The following MCM3AP variants were observed in gnomAD, a reference collection of about 807,000 sequenced individuals.
MCM3AP encodes the protein minichromosome maintenance complex component 3 associated protein, also known as germinal-center associated nuclear protein.
MCM3AP carries 126 observed loss-of-function variants against 184.1 expected under a neutral mutation model. The ratio of observed to expected loss-of-function variants is 0.68; its 90% CI spans 0.59 to 0.79. The LOEUF (loss-of-function observed/expected upper bound fraction) is 0.79, where lower values mean the gene tolerates loss of function less well. Among genes scored for constraint, MCM3AP ranks in the 30% least tolerant of loss-of-function variants. The pLI is 0.00. For synonymous variants in MCM3AP, 1,002 were observed against 979.3 expected (o/e 1.02, Z -0.43); for missense variants, 2,496 against 2,479.2 (o/e 1.01, Z -0.14).
At position 46,235,324 on chromosome 21, in the gene MCM3AP, C is replaced by T; in HGVS notation, c.5887G>A (p.Glu1963Lys). 6.2e-7 allele frequency: 1 copy of T among 1,614,228 alleles called. No homozygotes were observed. Among genetic ancestry groups the T allele is most frequent in the Non-Finnish European group, 8.5e-7 (1 of 1,180,034 alleles). ...AGATGGAGCTCAGAGGCAACTTCCT[C>T]TTCCCTTGAACTCCGGATCAGCCTT... ...LERLIRSSRE[E>K]EVASELHLSA... is the part of the protein sequence containing the mutation. The change falls in exon 28 of 28, where the codon GAG becomes AAG. Residue 1963 changes from glutamate to lysine, a missense_variant. Transcript: ENST00000291688.
intron 2 of MCM3AP, among the ~76,000 whole-genome samples, chr21:46,283,359 T>C (rs2081357349): frequency 6.6e-6 from 1 of 152,206 alleles, no homozygotes; most frequent in Non-Finnish European, 1.5e-5. Context: ...ATTTCTGAAT[T>C]TCTAAAGCCT....
At chr21:46,256,589 G>T in intron 17 of MCM3AP, 200 bp downstream of exon 17, 1 of 626,226 alleles carries the variant, frequency 1.6e-6, no homozygotes, top group South Asian at 2.1e-5. Context: ...TTTGCCAGTG[G>T]AACAAGTCAC....
chr21:46,265,218 T>C lies in MCM3AP; in HGVS notation c.3234+103A>G, dbSNP rs1222985997. On this transcript the variant is annotated intron_variant, in intron 12 of 27. Transcript: ENST00000291688. ...GGCAGGACCCCTCTCTGGACTCTCC[T>C]GAGAGACCAGGCGCCACAGCCCCAC... The C allele has an allele frequency of 5.5e-6, 6 of 1,082,410 alleles. No individual in the cohort carries two copies. The Admixed American group carries it at 1.1e-4, about 19-fold the overall frequency. The allele number at this position is 1,082,410 out of a possible 1,614,324, so 67.1% of individuals were successfully genotyped here. A position where few individuals can be genotyped will look rare whatever the true frequency, so the allele number is the denominator to read the frequency against.
At position 46,285,023 on chromosome 21, in the gene MCM3AP, C is replaced by T. The variant is rs1344575124; in HGVS notation, c.264G>A (p.Glu88=). Residue 88 remains glutamate (E), a synonymous_variant, in exon 1 of 28, where the codon GAG becomes GAA. Transcript: ENST00000291688. Reference sequence around the variant, plus strand: ...AGGTAGCCACAAAGGTGGAAGTGTGCTCAAGTCCAGAAAAGGGTCCAACAC... The same window carrying T: ...AGGTAGCCACAAAGGTGGAAGTGTGTTCAAGTCCAGAAAAGGGTCCAACAC... The part of the protein sequence containing the change: ...TSSVGPFSGL[E]HTSTFVATSG... The T allele has an allele frequency of 1.2e-6, 2 of 1,614,214 alleles. No individual in the cohort carries two copies. The highest frequency in any genetic ancestry group is 8.5e-7 in the Non-Finnish European group (1 of 1,180,046).
At chr21:46,268,954 C>T (rs2081146598) in intron 9 of MCM3AP, among the ~76,000 whole-genome samples, 1 of 152,040 alleles carries the variant, frequency 6.6e-6, no homozygotes, top group South Asian at 2.1e-4. Flanking sequence ...AGGAGAATCA[C>T]TTGAACCCAG....
chr21:46,280,665 ACCATTCAAAGGCACCAGGAGCTCCTGT>A, intron 2 of MCM3AP, 90 bp from the exon 3 acceptor site: 1 of 846,624 alleles, frequency 1.2e-6, no homozygotes. Flanking sequence ...AGCACAACAG[ACCATTCAAAGGCACCAGGAGCTCCTGT>A]CCTTTGCACG....
chr21:46,258,927 C>T lies in MCM3AP; in HGVS notation c.3734+12G>A. ...TGTGTGTGGATTTTGCCTGTAGGAA[C>T]ACAGGACTCACCGCTGTAGATACTT... On this transcript the variant is annotated intron_variant, in intron 16 of 27. Coordinates refer to ENST00000291688, the MANE Select transcript of MCM3AP (RefSeq NM_003906.5). The T allele has an allele frequency of 6.2e-7, 1 of 1,613,904 alleles. No homozygotes were observed. The highest frequency in any genetic ancestry group is 2.2e-5 in the East Asian group (1 of 44,872).
rs1399310620 is a variant in MCM3AP at position 46,272,634 on chromosome 21, C to T, written c.2392G>A (p.Val798Ile). 2.5e-6 allele frequency: 4 copies of T among 1,614,092 alleles called. No homozygotes were observed. Among genetic ancestry groups the T allele is most frequent in the Non-Finnish European group, 3.4e-6 (4 of 1,180,032 alleles). ...EMYQDLRNKG[V>I]FCASEAEFQG... ...AACTCCGCTTCGCTGGCACAGAAGA[C>T]ACCCTTGTTTCTCAGGTCCTGGTAC... is the stretch of plus-strand genomic sequence containing the variant. The change falls in exon 8 of 28, where the codon GTC becomes ATC. Residue 798 changes from valine (V) to isoleucine (I), a missense_variant. Transcript: ENST00000291688.
chr21:46,245,797 A>G (rs2080756829), intron 22 of MCM3AP, among the ~76,000 whole-genome samples: 1 of 152,150 alleles, frequency 6.6e-6, no homozygotes, highest in Admixed American at 6.5e-5. Context: ...CACCACGCCC[A>G]GCTTCAGACT....
chr21:46,278,811 C>T (rs972864429), intron 4 of MCM3AP, among the ~76,000 whole-genome samples: 15 of 151,810 alleles, frequency 9.9e-5, no homozygotes, highest in Non-Finnish European at 2.1e-4. Flanking sequence ...GTAGCTGGGA[C>T]TACAGGCACC....
intron 23 of MCM3AP, chr21:46,244,417 G>A: frequency 4.8e-6 from 1 of 209,344 alleles, no homozygotes; most frequent in Non-Finnish European, 9.6e-6. Flanking sequence ...CATGGCTGCG[G>A]CTTGGGGACA....
At chr21:46,265,086 C>T (rs907943349) in intron 12 of MCM3AP, among the ~76,000 whole-genome samples, 2 of 152,246 alleles carry the variant, frequency 1.3e-5, no homozygotes, top group Admixed American at 6.5e-5. Flanking sequence ...GTGTTGAGTT[C>T]AGACACACGG....
At position 46,265,370 on chromosome 21, in the gene MCM3AP, A is replaced by G; in HGVS notation, c.3185T>C (p.Val1062Ala). 11 of 1,614,052 alleles carry G rather than the reference A, an allele frequency of 6.8e-6. No homozygotes were observed. Among genetic ancestry groups the G allele is most frequent in the Non-Finnish European group, 7.6e-6 (9 of 1,180,018 alleles). Reference sequence around the variant, plus strand: ...CTCTGGAGGCGGTGGTTCAGGCTGCACAGACAGCTGGAAGAGGCTGGGCGC... The same window carrying G: ...CTCTGGAGGCGGTGGTTCAGGCTGCGCAGACAGCTGGAAGAGGCTGGGCGC... ...SVAPSLFQLS[V>A]QPEPPPPEPV... Residue 1062 changes from valine (V) to alanine (A), a missense_variant, in exon 12 of 28, where the codon GTG (valine) becomes GCG (alanine). By Grantham distance (64) the Val-to-Ala change is moderately conservative. This residue lies in a region of MCM3AP where 1,323 missense variants were observed against 1,273.4 expected (regional missense o/e 1.04). Transcript: ENST00000291688.
chr21:46,274,510 A>G (rs2081230257), intron 6 of MCM3AP, among the ~76,000 whole-genome samples: 1 of 152,260 alleles, frequency 6.6e-6, no homozygotes, highest in South Asian at 2.1e-4. Context: ...AAATGCTCAT[A>G]GTTTACCCTA....
At position 46,283,838 on chromosome 21, in the gene MCM3AP, T is replaced by A; in HGVS notation, c.1220A>T (p.Asp407Val). The A allele has an allele frequency of 6.2e-7, 1 of 1,611,078 alleles. No individual in the cohort carries two copies. The highest frequency in any genetic ancestry group is 8.5e-7 in the Non-Finnish European group (1 of 1,178,500). The change falls in exon 2 of 28, where the codon GAT (aspartate) becomes GTT (valine). Residue 407 changes from aspartate (D) to valine (V), a missense_variant and splice_region_variant. This residue lies in a region of MCM3AP where 800 missense variants were observed against 717.1 expected (regional missense o/e 1.12). Coordinates refer to ENST00000291688, the MANE Select transcript of MCM3AP (RefSeq NM_003906.5). Reference protein sequence around the residue: ...EETESREKKEDSLRGTPARQS... With the variant: ...EETESREKKEVSLRGTPARQS... ...ACGCGCCGGAGTTCCTCTTAGAGAA[T>A]CTAGGGGTTCAGAGAATGGACACTT...
At chr21:46,241,374 C>T (rs969276726) in intron 25 of MCM3AP, 8 of 191,294 alleles carry the variant, frequency 4.2e-5, no homozygotes, top group African/African-American at 9.4e-5. Context: ...TCTGTTCTTC[C>T]CTAGTATTGG....
In MCM3AP at chr21:46,245,091, C is replaced by G; in HGVS notation, c.4754G>C (p.Ser1585Thr). 1 of 1,614,230 alleles carries G rather than the reference C, an allele frequency of 6.2e-7. No individual in the cohort carries two copies. Among genetic ancestry groups the G allele is most frequent in the African/African-American group, 1.3e-5 (1 of 75,060 alleles). ...YVEDGIGHEF[S>T]GRFFHDRRER... ...TCTTCTGTCATGGAAAAAGCGGCCA[C>G]TAAACTCATGGCCAATCCCGTCTTC... The change falls in exon 23 of 28, where the codon AGT (serine) becomes ACT (threonine). Residue 1585 changes from serine to threonine, a missense_variant. Transcript: ENST00000291688.
In MCM3AP at chr21:46,280,550, T is replaced by C; in HGVS notation, c.1469A>G (p.Lys490Arg). 3 of 1,612,970 alleles carry C rather than the reference T, an allele frequency of 1.9e-6. No homozygotes were observed. The highest frequency in any genetic ancestry group is 2.5e-6 in the Non-Finnish European group (3 of 1,179,198). ...DHASAALARK[K>R]GKSLHKDMAI... ...CATGTCTTTATGCAAACTTTTCCCC[T>C]TCTTTCTAGCCAGGGCTGCAGATGC... Residue 490 changes from lysine to arginine, a missense_variant, in exon 3 of 28, where the codon AAG (lysine) becomes AGG (arginine). Transcript: ENST00000291688.
Position 46,266,054 on chromosome 21 carries a change from C to T in MCM3AP, c.2902G>A (p.Gly968Arg), listed in dbSNP as rs147515617. 126 of 1,612,222 alleles carry T rather than the reference C, an allele frequency of 7.8e-5. No individual in the cohort carries two copies. Among genetic ancestry groups the T allele is most frequent in the Middle Eastern group, 1.7e-4 (1 of 6,056 alleles). ...CGAGGGACGGGGGGCAATGGCCCTC[C>T]GTTCACAATTTCCCCGACTGACACC... ...LTVSVGEIVN[G>R]GPLPPVPRHT... The change falls in exon 11 of 28, where the codon GGA becomes AGA. Residue 968 changes from glycine to arginine, a missense_variant. Physicochemically the swap from Gly to Arg is moderately radical, Grantham distance 125. Around this residue, in one of 5 missense-constraint regions of MCM3AP, gnomAD observed 138 missense variants for 191.9 expected, o/e 0.72. Coordinates refer to ENST00000291688, the MANE Select transcript of MCM3AP (RefSeq NM_003906.5).
Sources: allele counts gnomAD v4.1 joint callset (sites outside exome capture counted in the v4.1 genomes callset), GRCh38; gene constraint gnomAD v4.1.1; regional missense constraint gnomAD v4.1.1; transcripts MANE v1.5; gene names NCBI Gene and HGNC (gene_info 2026-07-23, HGNC 2026-07-21).